The following RRAS2 variants were observed in gnomAD, a reference collection of about 807,000 sequenced individuals.
RRAS2 encodes RAS related 2, also known as ras-related protein R-Ras2.
Under a neutral mutation model 27.6 loss-of-function variants are expected in RRAS2, and 7 were observed. The ratio of observed to expected loss-of-function variants is 0.25; its 90% CI spans 0.14 to 0.48. RRAS2 has a LOEUF of 0.48. Ranked by LOEUF, RRAS2 falls within the 20% of genes least tolerant of loss-of-function variation. The pLI, the probability that RRAS2 is intolerant of heterozygous loss-of-function variation, is 0.99. For missense variants in RRAS2, 178 were observed against 256.2 expected, an observed-to-expected ratio of 0.69 and a Z score of 2.08; for synonymous variants, 86 against 90.9, an observed-to-expected ratio of 0.95 and a Z score of 0.31.
intron 1 of RRAS2, among the ~76,000 whole-genome samples, chr11:14,325,846 T>C (rs1012823678): frequency 6.6e-6 from 1 of 152,222 alleles, no homozygotes; most frequent in Non-Finnish European, 1.5e-5. Context: ...GGGTGTCTTC[T>C]TCCATTGTAT....
At chr11:14,356,188 G>A (rs1456406360) in intron 1 of RRAS2, among the ~76,000 whole-genome samples, 1 of 152,020 alleles carries the variant, frequency 6.6e-6, no homozygotes, top group Non-Finnish European at 1.5e-5. Flanking sequence ...AGGTGGTCGG[G>A]TTCCTGTCTC....
chr11:14,336,636 G>A (rs947606758), intron 1 of RRAS2, among the ~76,000 whole-genome samples: 5 of 152,162 alleles, frequency 3.3e-5, no homozygotes, highest in African/African-American at 7.2e-5. Context: ...GGAAGGGACA[G>A]AAGAATCAAC....
intron 1 of RRAS2, among the ~76,000 whole-genome samples, chr11:14,348,112 C>G (rs1848876266): frequency 6.6e-6 from 1 of 152,098 alleles, no homozygotes; most frequent in South Asian, 2.1e-4. Flanking sequence ...CCCCTTTATG[C>G]TCTGCTTGGT....
chr11:14,306,087 T>C (rs1242047592), intron 1 of RRAS2, among the ~76,000 whole-genome samples: 1 of 151,854 alleles, frequency 6.6e-6, no homozygotes, highest in African/African-American at 2.4e-5. Flanking sequence ...TTTTTTTTTT[T>C]ACAACAGACA....
chr11:14,282,749 A>G (rs529534431), intron 4 of RRAS2, among the ~76,000 whole-genome samples: 39 of 152,330 alleles, frequency 2.6e-4, no homozygotes, highest in African/African-American at 9.4e-4. Context: ...AGTTTTTAAC[A>G]CTATAAAAAT....
chr11:14,305,547 C>T (rs1554947984), intron 1 of RRAS2, among the ~76,000 whole-genome samples: 2 of 152,152 alleles, frequency 1.3e-5, no homozygotes, highest in Admixed American at 1.3e-4. Context: ...GACCTAACTC[C>T]CCACTCCAAT....
intron 1 of RRAS2, among the ~76,000 whole-genome samples, chr11:14,349,817 T>C (rs1288141083): frequency 6.6e-6 from 1 of 152,222 alleles, no homozygotes; most frequent in East Asian, 1.9e-4. Context: ...TCCTTCAGTG[T>C]AGTTAAGTTA....
chr11:14,280,322 A>G (rs1849488928), intron 5 of RRAS2, among the ~76,000 whole-genome samples: 1 of 152,168 alleles, frequency 6.6e-6, no homozygotes, highest in African/African-American at 2.4e-5. Flanking sequence ...AAACTACTAA[A>G]AAAGAAAAAG....
chr11:14,343,112 C>T (rs1848751536), intron 1 of RRAS2, among the ~76,000 whole-genome samples: 1 of 152,162 alleles, frequency 6.6e-6, no homozygotes, highest in Non-Finnish European at 1.5e-5. Flanking sequence ...TCATCTAAAA[C>T]CACAAACTAA....
In RRAS2 at chr11:14,287,128, G is replaced by A. The variant is rs1554945149; in HGVS notation, c.409-5408C>T. On this transcript the variant is annotated intron_variant, in intron 4 of 5. Transcript: ENST00000256196. Reference sequence around the variant, plus strand: ...GCTGTTTTGGAAGCACCTTCTCAGAGCTCCCATCACACCATCTGGTTACCA... The same window carrying A: ...GCTGTTTTGGAAGCACCTTCTCAGAACTCCCATCACACCATCTGGTTACCA... Among the ~76,000 whole-genome samples the A allele has an allele frequency of 2.0e-5, 3 of 152,108 alleles. 1 individual carries two copies. Among genetic ancestry groups the A allele is most frequent in the East Asian group, 3.9e-4 (2 of 5,192 alleles).
chr11:14,347,892 A>G (rs986951056), intron 1 of RRAS2, among the ~76,000 whole-genome samples: 1 of 152,158 alleles, frequency 6.6e-6, no homozygotes, highest in Non-Finnish European at 1.5e-5. Context: ...CTACTTTCCA[A>G]AAACCACCAC....
Position 14,359,050 on chromosome 11 carries a change from G to C in RRAS2, c.-180C>G, listed in dbSNP as rs1849147897. 9.0e-7 allele frequency: 1 copy of C among 1,111,942 alleles called. No individual in the cohort carries two copies. Among genetic ancestry groups the C allele is most frequent in the Non-Finnish European group, 1.1e-6 (1 of 911,776 alleles). The allele number at this position is 1,111,942 out of a possible 1,614,324, so 68.9% of individuals were successfully genotyped here. On this transcript the variant is annotated 5_prime_UTR_variant, in exon 1 of 6. Coordinates refer to ENST00000256196, the MANE Select transcript of RRAS2 (RefSeq NM_012250.6). ...GTAGCGCGGCGCTGGGGACTGGCTG[G>C]GTACCGCCCGAGGCGCGGAGAAGCG... is the stretch of plus-strand genomic sequence containing the variant.
chr11:14,303,931 G>A (rs982675615), intron 1 of RRAS2, among the ~76,000 whole-genome samples: 1 of 152,048 alleles, frequency 6.6e-6, no homozygotes, highest in Non-Finnish European at 1.5e-5. Context: ...AGTGAGACCT[G>A]GCCATTTACA....
chr11:14,320,956 T>C (rs1161607373), intron 1 of RRAS2, among the ~76,000 whole-genome samples: 1 of 152,052 alleles, frequency 6.6e-6, no homozygotes, highest in African/African-American at 2.4e-5. Flanking sequence ...TGAGGTGGGC[T>C]GATCTCCTGA....
rs140447333 is a variant in RRAS2 at position 14,335,892 on chromosome 11, C to T, written c.108+22871G>A. Among the ~76,000 whole-genome samples, 510 of 152,302 alleles carry T rather than the reference C, an allele frequency of 3.3e-3. 3 individuals are homozygous for T. The highest frequency in any genetic ancestry group is 0.014 in the South Asian group (67 of 4,822). The stretch of plus-strand genomic sequence containing the variant: ...CTCTAGCTAAAGGACCAGAACAGGA[C>T]GTCCCAGCAAGACAGAAAACTTTTA... On this transcript the variant is annotated intron_variant, in intron 1 of 5. Coordinates refer to ENST00000256196, the MANE Select transcript of RRAS2 (RefSeq NM_012250.6).
chr11:14,322,699 C>A (rs1324878718), intron 1 of RRAS2, among the ~76,000 whole-genome samples: 1 of 152,150 alleles, frequency 6.6e-6, no homozygotes, highest in Non-Finnish European at 1.5e-5. Context: ...TAGTCACAGT[C>A]TAATTTATCT....
At chr11:14,295,935 G>T in intron 1 of RRAS2, 80 bp from the exon 2 acceptor site, 2 of 1,318,168 alleles carry the variant, frequency 1.5e-6, no homozygotes, top group African/African-American at 1.5e-5. Flanking sequence ...TGCTCTGGGA[G>T]GCCGAGGGAG....
At chr11:14,294,937 T>C (rs993092447) in intron 2 of RRAS2, 75 bp from the exon 3 acceptor site, 2 of 1,232,132 alleles carry the variant, frequency 1.6e-6, no homozygotes, top group Non-Finnish European at 2.4e-6. Flanking sequence ...GACCAATTAA[T>C]GTGAGTCCTC....
intron 1 of RRAS2, among the ~76,000 whole-genome samples, chr11:14,339,709 A>T (rs1296471230): frequency 6.6e-6 from 1 of 152,228 alleles, no homozygotes; most frequent in Non-Finnish European, 1.5e-5. Flanking sequence ...TATTAAAGTT[A>T]AAAAGAATTT....
Sources: allele counts gnomAD v4.1 joint callset (sites outside exome capture counted in the v4.1 genomes callset), GRCh38; gene constraint gnomAD v4.1.1; transcripts MANE v1.5; gene names NCBI Gene and HGNC (gene_info 2026-07-23, HGNC 2026-07-21).